UXS1: variants seen among roughly 807,000 people sequenced by gnomAD.
The protein encoded by UXS1 is UDP-glucuronate decarboxylase 1.
In UXS1, 33 loss-of-function variants were observed where a neutral mutation model predicts 62.6. The observed-to-expected ratio is 0.53, with a 90% CI of 0.40 to 0.70. The LOEUF (loss-of-function observed/expected upper bound fraction) is 0.70. Among genes scored for constraint, UXS1 ranks in the 30% least tolerant of loss-of-function variants. The pLI is 0.00. For missense variants in UXS1, 434 were observed against 556.3 expected, an observed-to-expected ratio of 0.78 and a Z score of 2.21; for synonymous variants, 213 against 206.8, an observed-to-expected ratio of 1.03 and a Z score of -0.26.
chr2:106,111,758 A>G (rs546945122), intron 10 of UXS1, among the ~76,000 whole-genome samples: 1 of 152,336 alleles, frequency 6.6e-6, no homozygotes, highest in South Asian at 2.1e-4. Context: ...CAGAGCTATA[A>G]TTCTTCCCCC....
At chr2:106,096,370 T>TATATG (rs1202509398) in intron 14 of UXS1, among the ~76,000 whole-genome samples, 1 of 152,136 alleles carries the variant, frequency 6.6e-6, no homozygotes, top group African/African-American at 2.4e-5. Context: ...TGACAGTGTA[T>TATATG]ATATGACAGT....
chr2:106,097,709 C>T (rs755588245), intron 13 of UXS1: 7 of 189,602 alleles, frequency 3.7e-5, no homozygotes, highest in East Asian at 2.3e-4. Context: ...GCTGCTGCTG[C>T]GTTGGCCCAC....
intron 11 of UXS1, among the ~76,000 whole-genome samples, chr2:106,104,129 C>G (rs1677845664): frequency 6.6e-6 from 1 of 152,112 alleles, no homozygotes; most frequent in Non-Finnish European, 1.5e-5. Context: ...ATTCAGGATA[C>G]CAGAAACTTT....
chr2:106,112,462 G>A (rs750746623), intron 10 of UXS1, among the ~76,000 whole-genome samples, 184 bp downstream of exon 10: 25 of 152,226 alleles, frequency 1.6e-4, no homozygotes, highest in Non-Finnish European at 3.2e-4. Context: ...CTCTAGTTTC[G>A]TGGAGCAGCC....
rs1450721083 is a variant in UXS1 at position 106,194,200 on chromosome 2, G to T, written c.42C>A (p.Asn14Lys). The change falls in exon 1 of 15, where the codon AAC becomes AAA. Residue 14 changes from asparagine (N) to lysine (K), a missense_variant. Asn to Lys is a moderately conservative substitution (Grantham distance 94, BLOSUM62 0). This residue lies in a region of UXS1 where 91 missense variants were observed against 71.1 expected (regional missense o/e 1.28). Transcript: ENST00000283148. ...KALLRLVSAV[N>K]RRRMKLLLGI... ...CCAGCAGCAGCTTCATCCTCCTGCG[G>T]TTGACGGCAGACACGAGGCGCAGCA... The T allele has an allele frequency of 1.4e-6, 2 of 1,474,970 alleles. No homozygotes were observed. Among genetic ancestry groups the T allele is most frequent in the Admixed American group, 2.3e-5 (1 of 43,230 alleles). 91.4% of individuals were successfully genotyped at this position (1,474,970 alleles called of 1,614,324 possible). A position where few individuals can be genotyped will look rare whatever the true frequency, so the allele number is the denominator to read the frequency against.
chr2:106,191,724 C>T (rs968158019), intron 1 of UXS1, among the ~76,000 whole-genome samples: 13 of 152,244 alleles, frequency 8.5e-5, no homozygotes, highest in Non-Finnish European at 5.9e-5. Context: ...GCACACACTG[C>T]TCCTCCTAGA....
chr2:106,105,905 T>G (rs1272533373), intron 10 of UXS1, among the ~76,000 whole-genome samples: 1 of 152,074 alleles, frequency 6.6e-6, no homozygotes, highest in African/African-American at 2.4e-5. Context: ...CAAGCTTGAT[T>G]ATAACAACCC....
intron 1 of UXS1, among the ~76,000 whole-genome samples, chr2:106,173,007 ACC>A (rs1558749929): frequency 6.6e-6 from 1 of 151,812 alleles, no homozygotes; most frequent in East Asian, 1.9e-4. Context: ...GAGAGCACCC[ACC>A]CCCCAACAGC....
intron 6 of UXS1, among the ~76,000 whole-genome samples, chr2:106,142,231 C>T (rs950509473): frequency 1.3e-5 from 2 of 152,014 alleles, no homozygotes; most frequent in African/African-American, 4.8e-5. Flanking sequence ...TTGTAAAATA[C>T]CTTTCTATAT....
intron 1 of UXS1, among the ~76,000 whole-genome samples, chr2:106,173,066 T>C (rs1683663747): frequency 6.6e-6 from 1 of 152,236 alleles, no homozygotes; most frequent in African/African-American, 2.4e-5. Flanking sequence ...CCAGCTAATA[T>C]ACCTATTTAT....
chr2:106,112,523 C>T lies in UXS1; in HGVS notation c.879+123G>A, dbSNP rs576167451. ...CTGCCTTCCCCTTAGTGGAGGGTAGCGGGTATACATGGCAGCTTCAGAAGT... is the reference window on the plus strand; with the variant it reads ...CTGCCTTCCCCTTAGTGGAGGGTAGTGGGTATACATGGCAGCTTCAGAAGT... On this transcript the variant is annotated intron_variant, in intron 10 of 14. Transcript: ENST00000283148. The T allele has an allele frequency of 5.5e-5, 78 of 1,427,032 alleles. No individual in the cohort carries two copies. In the South Asian group the frequency reaches 6.4e-4, roughly 12 times the overall value. 88.4% of individuals were successfully genotyped at this position (1,427,032 alleles called of 1,614,324 possible). A position where few individuals can be genotyped will look rare whatever the true frequency, so the allele number is the denominator to read the frequency against.
chr2:106,136,804 C>G (rs1373194419), intron 6 of UXS1, among the ~76,000 whole-genome samples: 1 of 86,202 alleles, frequency 1.2e-5, no homozygotes, highest in Non-Finnish European at 2.2e-5. Flanking sequence ...GGAGATATAC[C>G]TAATGCTAGA....
At position 106,121,652 on chromosome 2, in the gene UXS1, G is replaced by A. The variant is rs188066816; in HGVS notation, c.759+1318C>T. On this transcript the variant is annotated intron_variant, in intron 9 of 14. Coordinates refer to ENST00000283148, the MANE Select transcript of UXS1 (RefSeq NM_001253875.2). ...AAGTATGTTCCTACTAAAACTGATC[G>A]GCATTTCATAGAGGAAGTGGATAAT... 6.6e-5 allele frequency among the ~76,000 whole-genome samples: 10 copies of A among 152,238 alleles called. No homozygotes were observed. In the East Asian group the frequency reaches 1.5e-3, roughly 24 times the overall value.
chr2:106,181,986 G>C (rs1294638593), intron 1 of UXS1, among the ~76,000 whole-genome samples: 1 of 152,212 alleles, frequency 6.6e-6, no homozygotes, highest in Non-Finnish European at 1.5e-5. Flanking sequence ...GATGGATTAT[G>C]ACTTCAGGGC....
At chr2:106,166,923 G>A (rs975248533) in intron 1 of UXS1, among the ~76,000 whole-genome samples, 1 of 152,148 alleles carries the variant, frequency 6.6e-6, no homozygotes, top group South Asian at 2.1e-4. Context: ...GAAGTCCTAA[G>A]GTTCAGTCTA....
At chr2:106,098,378 C>T (rs538757005) in intron 13 of UXS1, among the ~76,000 whole-genome samples, 18 of 152,326 alleles carry the variant, frequency 1.2e-4, no homozygotes, top group African/African-American at 4.3e-4. Context: ...CTCTTGCTGT[C>T]TGAAATTCTA....
chr2:106,123,078 G>C lies in UXS1; in HGVS notation c.651C>G (p.His217Gln), dbSNP rs373615767. 1 of 1,613,898 alleles carries C rather than the reference G, an allele frequency of 6.2e-7. No homozygotes were observed. The highest frequency in any genetic ancestry group is 1.7e-5 in the Admixed American group (1 of 60,018). The change falls in exon 9 of 15, where the codon CAC (histidine) becomes CAG (glutamine). Residue 217 changes from histidine (H) to glutamine (Q), a missense_variant. By Grantham distance (24) the His-to-Gln change is conservative. Around this residue, in one of 3 missense-constraint regions of UXS1, gnomAD observed 134 missense variants for 251.9 expected, o/e 0.53. Transcript: ENST00000283148. ...TSEVYGDPEV[H>Q]PQSEDYWGHV... ...GGCCCCAGTAATCCTCACTTTGAGG[G>C]TGGACTTCAGGATCTACGATGGGAG...
At chr2:106,094,225 TGCCACCTTGCAGGAAGG>T in intron 14 of UXS1, 68 bp from the exon 15 acceptor site, 1 of 1,602,004 alleles carries the variant, frequency 6.2e-7, no homozygotes, top group Admixed American at 1.8e-5. Context: ...AGGAAGGAAG[TGCCACCTTGCAGGAAGG>T]AAGTGCCACC....
intron 1 of UXS1, among the ~76,000 whole-genome samples, chr2:106,181,971 T>A (rs1684273542): frequency 6.6e-6 from 1 of 152,234 alleles, no homozygotes; most frequent in Non-Finnish European, 1.5e-5. Flanking sequence ...GAAATTTTTT[T>A]AAAAGATGGA....
Sources: allele counts gnomAD v4.1 joint callset (sites outside exome capture counted in the v4.1 genomes callset), GRCh38; gene constraint gnomAD v4.1.1; regional missense constraint gnomAD v4.1.1; transcripts MANE v1.5; gene names NCBI Gene and HGNC (gene_info 2026-07-23, HGNC 2026-07-21).